The following GALNT13 variants were observed in gnomAD, a reference collection of about 807,000 sequenced individuals.
GALNT13 encodes the protein UDP-GalNAc:polypeptide N-acetylgalactosaminyltransferase 13.
Under a neutral mutation model 64.2 loss-of-function variants are expected in GALNT13, and 28 were observed. The ratio of observed to expected loss-of-function variants is 0.44; its 90% CI spans 0.32 to 0.60. The LOEUF is 0.60. Ranked by LOEUF, GALNT13 falls within the 20% of genes least tolerant of loss-of-function variation. The pLI, the probability that GALNT13 is intolerant of heterozygous loss-of-function variation, is 0.05. For missense variants in GALNT13, 577 were observed against 669.8 expected (o/e 0.86, Z 1.53); for synonymous variants, 214 against 224.6 (o/e 0.95, Z 0.42).
At chr2:154,371,876 T>G (rs1697712693) in intron 9 of GALNT13, among the ~76,000 whole-genome samples, 1 of 151,964 alleles carries the variant, frequency 6.6e-6, no homozygotes, top group Non-Finnish European at 1.5e-5. Flanking sequence ...CTATCCTTTA[T>G]TTAGTTAAAT....
the GALNT13 span, among the ~76,000 whole-genome samples, chr2:153,221,617 C>G: frequency 5.9e-5 from 9 of 152,308 alleles, no homozygotes; most frequent in East Asian, 1.5e-3. Flanking sequence ...CCCACTCAGC[C>G]AGGCAGGCTG....
intron 8 of GALNT13, among the ~76,000 whole-genome samples, chr2:154,273,384 TCTC>T (rs1691459187): frequency 6.6e-6 from 1 of 152,104 alleles, no homozygotes; most frequent in Non-Finnish European, 1.5e-5. Flanking sequence ...TGAGCTCAGT[TCTC>T]CTGTTCCAAG....
intron 4 of GALNT13, among the ~76,000 whole-genome samples, chr2:154,207,548 T>A (rs895692579): frequency 6.6e-6 from 1 of 152,144 alleles, no homozygotes; most frequent in Non-Finnish European, 1.5e-5. Flanking sequence ...TGGCAAATAA[T>A]CAGTGGTCAT....
chr2:153,180,859 A>G, the GALNT13 span, among the ~76,000 whole-genome samples: 1 of 151,468 alleles, frequency 6.6e-6, no homozygotes, highest in African/African-American at 2.4e-5. Flanking sequence ...TTATGATCCT[A>G]GGTATTTCTG....
At position 154,109,733 on chromosome 2, in the gene GALNT13, T is replaced by C. The variant is rs115128224; in HGVS notation, c.143-30604T>C. On this transcript the variant is annotated intron_variant, in intron 3 of 12. Transcript: ENST00000392825. Reference sequence around the variant, plus strand: ...GCTTTTTCTACATTTAATGAAATAATCATATGGTTTTTGTTCTTTATTCTG... The same window carrying C: ...GCTTTTTCTACATTTAATGAAATAACCATATGGTTTTTGTTCTTTATTCTG... Among the ~76,000 whole-genome samples the C allele has an allele frequency of 7.1e-3, 1,079 of 152,348 alleles. 4 individuals are homozygous for C. The highest frequency in any genetic ancestry group is 0.014 in the Middle Eastern group (4 of 294).
At chr2:153,916,993 C>A (rs879571639) in intron 2 of GALNT13, among the ~76,000 whole-genome samples, 15 of 152,148 alleles carry the variant, frequency 9.9e-5, no homozygotes, top group Non-Finnish European at 2.1e-4. Context: ...TTAACCTTTG[C>A]CATTGGTAAG....
chr2:153,706,909 G>A, the GALNT13 span, among the ~76,000 whole-genome samples: 5 of 152,078 alleles, frequency 3.3e-5, no homozygotes, highest in South Asian at 2.1e-4. Flanking sequence ...CTGTCTCCCC[G>A]CTCAAATCTC....
chr2:153,517,798 AG>A, the GALNT13 span, among the ~76,000 whole-genome samples: 1 of 152,154 alleles, frequency 6.6e-6, no homozygotes, highest in Non-Finnish European at 1.5e-5. Flanking sequence ...AGTTGGCAAA[AG>A]TTTGAAGAGA....
chr2:153,351,992 A>G, the GALNT13 span, among the ~76,000 whole-genome samples: 5,038 of 152,242 alleles, frequency 0.033, 118 homozygotes, highest in Middle Eastern at 0.051. Flanking sequence ...TGATTACTGC[A>G]TCATATGATA....
intron 4 of GALNT13, among the ~76,000 whole-genome samples, chr2:154,188,014 T>TTCTCTCTCTCTCTC (rs10635676): frequency 8.3e-5 from 12 of 144,342 alleles, no homozygotes; most frequent in African/African-American, 2.1e-4. Context: ...GCATCAGGCA[T>TTCTCTCTCTCTCTC]TCTCTCTCTC....
At chr2:153,608,218 C>G in the GALNT13 span, among the ~76,000 whole-genome samples, 5 of 152,062 alleles carry the variant, frequency 3.3e-5, no homozygotes, top group African/African-American at 4.8e-5. Flanking sequence ...ATCTTCTAAC[C>G]AACTGTATTT....
rs79235760 is a variant in GALNT13 at position 154,325,500 on chromosome 2, C to T, written c.1156+23911C>T. On this transcript the variant is annotated intron_variant, in intron 9 of 12. Coordinates refer to ENST00000392825, the MANE Select transcript of GALNT13 (RefSeq NM_052917.4). ...TACTGCTACTGGGGTACTACAATCT[C>T]GGAACTGAGTTATATCATTTGTACT... is the stretch of plus-strand genomic sequence containing the variant. Among the ~76,000 whole-genome samples, 283 of 152,186 alleles carry T rather than the reference C, an allele frequency of 1.9e-3. 8 individuals carry two copies. The East Asian group carries it at 0.037, about 20-fold the overall frequency.
chr2:153,671,694 C>T, the GALNT13 span, among the ~76,000 whole-genome samples: 1 of 152,154 alleles, frequency 6.6e-6, no homozygotes, highest in Admixed American at 6.5e-5. Flanking sequence ...CAAATTCACA[C>T]ATAACAATAT....
the GALNT13 span, among the ~76,000 whole-genome samples, chr2:153,583,688 A>G: frequency 1.3e-5 from 2 of 152,160 alleles, no homozygotes; most frequent in Non-Finnish European, 2.9e-5. Context: ...GTTCCAGGGC[A>G]TGTCCTATGC....
chr2:153,388,806 C>A, the GALNT13 span, among the ~76,000 whole-genome samples: 1 of 151,962 alleles, frequency 6.6e-6, no homozygotes, highest in Non-Finnish European at 1.5e-5. Context: ...ACAATTAAAA[C>A]CCAGAAACCC....
At chr2:154,170,288 A>C (rs1240260672) in intron 4 of GALNT13, among the ~76,000 whole-genome samples, 1 of 152,130 alleles carries the variant, frequency 6.6e-6, no homozygotes, top group Non-Finnish European at 1.5e-5. Flanking sequence ...TTCTTCCAGA[A>C]ACACCCTCAC....
At chr2:153,428,665 C>T in the GALNT13 span, among the ~76,000 whole-genome samples, 3 of 152,258 alleles carry the variant, frequency 2.0e-5, no homozygotes, top group South Asian at 2.1e-4. Flanking sequence ...GGAATTGTTT[C>T]GTGTAAGAAA....
At chr2:153,905,682 T>G (rs576578816) in intron 2 of GALNT13, among the ~76,000 whole-genome samples, 1 of 152,056 alleles carries the variant, frequency 6.6e-6, no homozygotes, top group South Asian at 2.1e-4. Flanking sequence ...TTCTTCACAA[T>G]TTCAAGGACA....
At chr2:154,132,214 A>C (rs1682658320) in intron 3 of GALNT13, among the ~76,000 whole-genome samples, 1 of 152,184 alleles carries the variant, frequency 6.6e-6, no homozygotes, top group African/African-American at 2.4e-5. Context: ...CTCAATATTA[A>C]CCATCATAGT....
Sources: allele counts gnomAD v4.1 joint callset (sites outside exome capture counted in the v4.1 genomes callset), GRCh38; gene constraint gnomAD v4.1.1; transcripts MANE v1.5; gene names NCBI Gene and HGNC (gene_info 2026-07-23, HGNC 2026-07-21).